Variants in WLS observed in about 807,000 individuals in gnomAD.
WLS encodes the protein Wnt ligand secretion mediator.
Under a neutral mutation model 62.8 loss-of-function variants are expected in WLS, and 23 were observed. The ratio of observed to expected loss-of-function variants is 0.37; its 90% CI spans 0.26 to 0.52. The LOEUF (loss-of-function observed/expected upper bound fraction) is 0.52, where lower values mean the gene tolerates loss of function less well. Among genes scored for constraint, WLS ranks in the 20% least tolerant of loss-of-function variants. The pLI is 0.92. For synonymous variants in WLS, 246 were observed against 244.1 expected, an observed-to-expected ratio of 1.01 and a Z score of -0.07; for missense variants, 615 against 697.3, an observed-to-expected ratio of 0.88 and a Z score of 1.33.
intron 1 of WLS, among the ~76,000 whole-genome samples, chr1:68,198,207 C>T (rs1648786093): frequency 1.3e-5 from 2 of 152,082 alleles, no homozygotes; most frequent in African/African-American, 4.8e-5. Flanking sequence ...ATAATTTGGC[C>T]AAAACTAAAT....
At chr1:68,115,493 G>A (rs1046076261) in intron 11 of WLS, among the ~76,000 whole-genome samples, 3 of 152,112 alleles carry the variant, frequency 2.0e-5, no homozygotes, top group African/African-American at 7.2e-5. Context: ...GAAGTCAGTC[G>A]GGCACAGCCT....
At chr1:68,230,716 A>C (rs1187480820) in intron 1 of WLS, among the ~76,000 whole-genome samples, 1 of 152,142 alleles carries the variant, frequency 6.6e-6, no homozygotes, top group African/African-American at 2.4e-5. Flanking sequence ...TTGTGGATAA[A>C]TGCACACAGA....
intron 2 of WLS, among the ~76,000 whole-genome samples, chr1:68,172,907 G>A (rs528481027): frequency 1.1e-4 from 16 of 152,306 alleles, no homozygotes; most frequent in African/African-American, 3.8e-4. Context: ...ATGACAAAGG[G>A]AAGAAGCTTG....
At chr1:68,177,474 T>G (rs771225215) in intron 2 of WLS, among the ~76,000 whole-genome samples, 2 of 152,186 alleles carry the variant, frequency 1.3e-5, no homozygotes, top group Non-Finnish European at 2.9e-5. Context: ...ATGCTCTCTC[T>G]GGAACACAAT....
In WLS at chr1:68,162,267, C is replaced by G. The variant is rs1570922826; in HGVS notation, c.380-3020G>C. On this transcript the variant is annotated intron_variant, in intron 2 of 11. Coordinates refer to ENST00000262348, the MANE Select transcript of WLS (RefSeq NM_024911.7). ...CTTGTGCTAAGGCTTTCTCGTCCAC[C>G]AGGCCACCACGGGGTGCGTTCACAA... The G allele has an allele frequency of 1.9e-6, 3 of 1,589,652 alleles. No individual in the cohort carries two copies. The Admixed American group carries it at 5.0e-5, about 26-fold the overall frequency.
intron 1 of WLS, among the ~76,000 whole-genome samples, chr1:68,210,625 C>T (rs1182368187): frequency 6.6e-6 from 1 of 152,168 alleles, no homozygotes; most frequent in Non-Finnish European, 1.5e-5. Context: ...CTGGGCTAAA[C>T]AAATTCTCAG....
intron 1 of WLS, among the ~76,000 whole-genome samples, chr1:68,195,632 A>C (rs1648617835): frequency 6.6e-6 from 1 of 152,092 alleles, no homozygotes; most frequent in Non-Finnish European, 1.5e-5. Context: ...ATTTCTCCTA[A>C]ACTTTCCATC....
rs1190808310 is a variant in WLS, at chr1:68,125,461, TATCAAAATAAAACGC to T, written c.*750_*764del. ...CTTTTGGAGGCTATTTGAAGTATCT[TATCAAAATAAAACGC>T]ATTTTAAGCAAGAAGTTAAAAAAGC... On this transcript the variant is annotated 3_prime_UTR_variant, in exon 12 of 12. Coordinates refer to ENST00000262348, the MANE Select transcript of WLS (RefSeq NM_024911.7). The T allele has an allele frequency of 1.0e-6, 1 of 985,462 alleles. No individual in the cohort carries two copies. Among genetic ancestry groups the T allele is most frequent in the Non-Finnish European group, 1.2e-6 (1 of 829,934 alleles). 61.0% of individuals were successfully genotyped at this position (985,462 alleles called of 1,614,324 possible).
chr1:68,158,329 A>C (rs1646925473), intron 3 of WLS, among the ~76,000 whole-genome samples: 1 of 152,224 alleles, frequency 6.6e-6, no homozygotes, highest in Non-Finnish European at 1.5e-5. Flanking sequence ...CTAGTGTTTC[A>C]AAAAACACTG....
At chr1:68,209,141 TC>T (rs1056813780) in intron 1 of WLS, among the ~76,000 whole-genome samples, 64 of 148,832 alleles carry the variant, frequency 4.3e-4, no homozygotes, top group African/African-American at 1.5e-3. Flanking sequence ...GCTGGCAAGT[TC>T]AGGGGGGGTG....
At chr1:68,185,861 A>C (rs1009371240) in intron 2 of WLS, among the ~76,000 whole-genome samples, 1 of 152,202 alleles carries the variant, frequency 6.6e-6, no homozygotes, top group Admixed American at 6.5e-5. Flanking sequence ...TTCATTACCT[A>C]GGCATGACTG....
At chr1:68,220,301 T>A (rs1649890836) in intron 1 of WLS, among the ~76,000 whole-genome samples, 1 of 152,176 alleles carries the variant, frequency 6.6e-6, no homozygotes, top group South Asian at 2.1e-4. Context: ...AGACACAAGT[T>A]GACTCCAGAA....
At chr1:68,173,411 C>CCTCTCTCTCT (rs3053543) in intron 2 of WLS, among the ~76,000 whole-genome samples, 1 of 149,880 alleles carries the variant, frequency 6.7e-6, no homozygotes, top group African/African-American at 2.5e-5. Flanking sequence ...CCTGCGTGCC[C>CCTCTCTCTCT]CTCTCTCTCT....
At chr1:68,173,415 T>C (rs888782468) in intron 2 of WLS, among the ~76,000 whole-genome samples, 4 of 149,664 alleles carry the variant, frequency 2.7e-5, no homozygotes, top group African/African-American at 5.0e-5. Flanking sequence ...CGTGCCCCTC[T>C]CTCTCTCTCT....
intron 11 of WLS, among the ~76,000 whole-genome samples, chr1:68,116,492 C>T (rs976481706): frequency 6.6e-6 from 1 of 152,208 alleles, no homozygotes; most frequent in Admixed American, 6.5e-5. Flanking sequence ...TGAGTTGAAC[C>T]AGGCTGTTAC....
At chr1:68,202,997 C>G (rs1482333113) in intron 1 of WLS, 1 of 152,180 alleles carries the variant, frequency 6.6e-6, no homozygotes, top group African/African-American at 2.4e-5. Context: ...GAAACACAGT[C>G]AGTGGCTTTG....
intron 9 of WLS, 116 bp downstream of exon 9, chr1:68,145,753 C>A: frequency 6.7e-7 from 1 of 1,489,844 alleles, no homozygotes; most frequent in Non-Finnish European, 9.0e-7. Context: ...ACATGAGAAT[C>A]TCTCAATTTG....
chr1:68,181,181 A>G (rs1647548536), intron 2 of WLS, among the ~76,000 whole-genome samples: 1 of 152,186 alleles, frequency 6.6e-6, no homozygotes, highest in Non-Finnish European at 1.5e-5. Context: ...ACCTCATAAT[A>G]GCTATGTTAT....
chr1:68,201,559 C>T (rs1053720893), intron 1 of WLS, among the ~76,000 whole-genome samples: 23 of 152,206 alleles, frequency 1.5e-4, no homozygotes, highest in African/African-American at 5.6e-4. Flanking sequence ...GAAAGTGTGT[C>T]TACAGAGACT....
Sources: allele counts gnomAD v4.1 joint callset (sites outside exome capture counted in the v4.1 genomes callset), GRCh38; gene constraint gnomAD v4.1.1; transcripts MANE v1.5; gene names NCBI Gene and HGNC (gene_info 2026-07-23, HGNC 2026-07-21).